Variants in PLXNA4 observed in about 807,000 individuals in gnomAD.
PLXNA4 encodes the protein plexin A4.
PLXNA4 carries 44 observed loss-of-function variants against 191.8 expected under a neutral mutation model. That is an observed-to-expected ratio of 0.23 (90% confidence interval 0.18 to 0.29). The LOEUF (loss-of-function observed/expected upper bound fraction) is 0.29. Ranked by LOEUF, PLXNA4 falls within the 10% of genes least tolerant of loss-of-function variation. PLXNA4 has a pLI of 1.00. For missense variants in PLXNA4, 1,800 were observed against 2,488.8 expected (o/e 0.72, Z 5.89); for synonymous variants, 1,082 against 1,009.5 (o/e 1.07, Z -1.36).
chr7:132,531,935 T>C (rs952120501), intron 1 of PLXNA4, among the ~76,000 whole-genome samples: 2 of 152,232 alleles, frequency 1.3e-5, no homozygotes, highest in Non-Finnish European at 2.9e-5. Flanking sequence ...ATCTCATTAT[T>C]ATCCACATTT....
chr7:132,239,154 C>T (rs1798798678), intron 5 of PLXNA4, among the ~76,000 whole-genome samples: 1 of 152,216 alleles, frequency 6.6e-6, no homozygotes. Flanking sequence ...TGGCCTCCAT[C>T]CACCCCTGTT....
chr7:132,591,318 T>G, intron 2 of PLXNA4, among the ~76,000 whole-genome samples: 1 of 152,122 alleles, frequency 6.6e-6, no homozygotes, highest in East Asian at 1.9e-4. Flanking sequence ...ATCAAATCAC[T>G]CAAACAATCT....
intron 24 of PLXNA4, among the ~76,000 whole-genome samples, chr7:132,162,594 C>T (rs1358483787): frequency 4.6e-5 from 7 of 152,084 alleles, no homozygotes; most frequent in Non-Finnish European, 8.8e-5. Context: ...TTACGCAGTA[C>T]TTCTATCTCA....
chr7:132,387,417 C>G (rs1229554634), intron 3 of PLXNA4, among the ~76,000 whole-genome samples: 1 of 152,200 alleles, frequency 6.6e-6, no homozygotes, highest in Admixed American at 6.5e-5. Flanking sequence ...CGTTGAAGTG[C>G]CTTAACTAAG....
intron 4 of PLXNA4, among the ~76,000 whole-genome samples, chr7:132,245,491 C>A (rs1177548856): frequency 6.6e-6 from 1 of 152,184 alleles, no homozygotes; most frequent in African/African-American, 2.4e-5. Flanking sequence ...GGGACATCGT[C>A]CTGGCTTTGT....
chr7:132,328,968 C>T (rs1802483357), intron 3 of PLXNA4, among the ~76,000 whole-genome samples: 1 of 152,184 alleles, frequency 6.6e-6, no homozygotes, highest in Non-Finnish European at 1.5e-5. Flanking sequence ...GCTGGGTTTG[C>T]TTGATCTGAG....
chr7:132,422,843 T>A (rs1221333720), intron 3 of PLXNA4, among the ~76,000 whole-genome samples: 1 of 152,162 alleles, frequency 6.6e-6, no homozygotes, highest in Non-Finnish European at 1.5e-5. Context: ...TCATAAAGAT[T>A]AAGTAACTCT....
At chr7:132,406,127 C>T (rs1466385065) in intron 3 of PLXNA4, among the ~76,000 whole-genome samples, 1 of 152,220 alleles carries the variant, frequency 6.6e-6, no homozygotes, top group Non-Finnish European at 1.5e-5. Flanking sequence ...CAGGCTTACA[C>T]TGCAGGGTTA....
At chr7:132,489,726 C>A (rs541873154) in intron 2 of PLXNA4, among the ~76,000 whole-genome samples, 1 of 152,270 alleles carries the variant, frequency 6.6e-6, no homozygotes, top group African/African-American at 2.4e-5. Flanking sequence ...CTGTGTGTCT[C>A]TGCCCCTCAT....
intron 8 of PLXNA4, among the ~76,000 whole-genome samples, chr7:132,224,184 A>C (rs1311127400): frequency 2.0e-5 from 3 of 152,148 alleles, no homozygotes; most frequent in African/African-American, 7.2e-5. Flanking sequence ...TTAAAAGCCC[A>C]ACATGGTTCC....
chr7:132,265,691 A>G (rs1199774283), intron 4 of PLXNA4, among the ~76,000 whole-genome samples: 1 of 152,214 alleles, frequency 6.6e-6, no homozygotes, highest in African/African-American at 2.4e-5. Context: ...AGACCCTAGC[A>G]GATACACATG....
At chr7:132,147,730 G>A (rs941933181) in intron 27 of PLXNA4, among the ~76,000 whole-genome samples, 170 bp downstream of exon 27, 3 of 152,132 alleles carry the variant, frequency 2.0e-5, no homozygotes, top group African/African-American at 4.8e-5. Flanking sequence ...CAGAGTGCCC[G>A]ACTGAAACCA....
At position 132,202,713 on chromosome 7, in the gene PLXNA4, G is replaced by A; in HGVS notation, c.2519C>T (p.Ala840Val). 1 of 1,602,990 alleles carries A rather than the reference G, an allele frequency of 6.2e-7. No homozygotes were observed. Reference protein sequence around the residue: ...GQCTLRQHCPAQESQWLELSG... With the variant: ...GQCTLRQHCPVQESQWLELSG... ...CAGCTCCAGCCACTGGCTCTCCTGGGCAGGGCAGTGCTGGCGCAGGGTGCA... is the reference window on the plus strand; with the variant it reads ...CAGCTCCAGCCACTGGCTCTCCTGGACAGGGCAGTGCTGGCGCAGGGTGCA... The change falls in exon 12 of 32, where the codon GCC becomes GTC. Residue 840 changes from alanine to valine, a missense_variant. Ala to Val is a moderately conservative substitution (Grantham distance 64, BLOSUM62 0). This residue lies in a region of PLXNA4 where 1,397 missense variants were observed against 1,880.4 expected (regional missense o/e 0.74). Transcript: ENST00000321063.
chr7:132,320,776 G>C (rs181466176), intron 3 of PLXNA4, among the ~76,000 whole-genome samples: 33 of 152,212 alleles, frequency 2.2e-4, no homozygotes, highest in African/African-American at 7.7e-4. Context: ...GCAGCATCCG[G>C]GAACTTGTTA....
At chr7:132,222,330 C>G (rs572993820) in intron 9 of PLXNA4, among the ~76,000 whole-genome samples, 1 of 152,320 alleles carries the variant, frequency 6.6e-6, no homozygotes, top group South Asian at 2.1e-4. Context: ...TGTACATTGA[C>G]CTTCCCTTTC....
chr7:132,176,038 A>G (rs529637173), intron 20 of PLXNA4, among the ~76,000 whole-genome samples: 2 of 152,324 alleles, frequency 1.3e-5, no homozygotes, highest in East Asian at 3.9e-4. Context: ...CAGAAACACA[A>G]TGCAGCCACC....
At position 132,198,540 on chromosome 7, in the gene PLXNA4, T is replaced by C. The variant is rs1457935019; in HGVS notation, c.2683A>G (p.Lys895Glu). The stretch of plus-strand genomic sequence containing the variant: ...GGGCTGCACTCCACGCCAGCAACCT[T>C]GACATGGGAGGCGATGTCGCGAAAT... ...LEFRDIASHVKVAGVECSPLV... is the reference protein window; with the variant it reads ...LEFRDIASHVEVAGVECSPLV... The change falls in exon 13 of 32, where the codon AAG becomes GAG. Residue 895 changes from lysine to glutamate, a missense_variant. Physicochemically the swap from Lys to Glu is moderately conservative, Grantham distance 56. Around this residue, in one of 6 missense-constraint regions of PLXNA4, gnomAD observed 1,397 missense variants for 1,880.4 expected, o/e 0.74. Transcript: ENST00000321063. 2 of 1,614,124 alleles carry C rather than the reference T, an allele frequency of 1.2e-6. No homozygotes were observed. The highest frequency in any genetic ancestry group is 2.7e-5 in the African/African-American group (2 of 74,950).
chr7:132,223,338 C>T (rs145101914), intron 9 of PLXNA4, among the ~76,000 whole-genome samples, 189 bp downstream of exon 9: 5 of 152,328 alleles, frequency 3.3e-5, no homozygotes, highest in African/African-American at 7.2e-5. Context: ...AGGGCTGATC[C>T]AGAACCCACA....
intron 2 of PLXNA4, among the ~76,000 whole-genome samples, chr7:132,504,930 G>T (rs10808265): frequency 1.3e-5 from 2 of 152,098 alleles, no homozygotes; most frequent in African/African-American, 4.8e-5. Flanking sequence ...CACGAAACAC[G>T]TGTGGTCTGA....
Sources: gnomAD v4.1 joint callset for allele counts (sites outside exome capture counted in the v4.1 genomes callset) on GRCh38, gnomAD v4.1.1 for gene constraint, gnomAD v4.1.1 regional missense constraint, MANE v1.5 for transcripts, NCBI Gene and HGNC (gene_info 2026-07-23, HGNC 2026-07-21) for gene names.